Variants in ATF6 observed in about 807,000 individuals in gnomAD.
ATF6 encodes activating transcription factor 6, also known as cyclic AMP-dependent transcription factor ATF-6 alpha.
In ATF6, 53 loss-of-function variants were observed where a neutral mutation model predicts 83.6. The ratio of observed to expected loss-of-function variants is 0.63; its 90% CI spans 0.51 to 0.80. ATF6 has a LOEUF of 0.80. Ranked by LOEUF, ATF6 falls within the 30% of genes least tolerant of loss-of-function variation. The pLI, the probability that ATF6 is intolerant of heterozygous loss-of-function variation, is 0.00. For synonymous variants in ATF6, 288 were observed against 285.8 expected, an observed-to-expected ratio of 1.01 and a Z score of -0.08; for missense variants, 744 against 797.9, an observed-to-expected ratio of 0.93 and a Z score of 0.81.
intron 9 of ATF6, among the ~76,000 whole-genome samples, chr1:161,844,558 A>G (rs1295013077): frequency 6.6e-6 from 1 of 152,188 alleles, no homozygotes; most frequent in Non-Finnish European, 1.5e-5. Flanking sequence ...AAACAGGAAC[A>G]TTAGTATATG....
chr1:161,945,662 G>A (rs1366693743), intron 15 of ATF6, among the ~76,000 whole-genome samples: 1 of 152,122 alleles, frequency 6.6e-6, no homozygotes, highest in African/African-American at 2.4e-5. Context: ...TTAGATATAG[G>A]CATACTGTCA....
chr1:161,803,922 A>T (rs971900588), intron 7 of ATF6, among the ~76,000 whole-genome samples: 1 of 151,904 alleles, frequency 6.6e-6, no homozygotes, highest in African/African-American at 2.4e-5. Context: ...TACATGTGAC[A>T]TGCTGGTGCG....
At chr1:161,807,245 G>A (rs548557993) in intron 7 of ATF6, among the ~76,000 whole-genome samples, 121 of 152,218 alleles carry the variant, frequency 7.9e-4, no homozygotes, top group Middle Eastern at 6.8e-3. Context: ...GCAATGCATA[G>A]CAACTCAGAA....
intron 7 of ATF6, among the ~76,000 whole-genome samples, chr1:161,812,684 G>T (rs927927413): frequency 2.0e-5 from 3 of 152,008 alleles, no homozygotes; most frequent in Non-Finnish European, 2.9e-5. Flanking sequence ...GAGCCACCGC[G>T]CCCGGCCAGG....
chr1:161,771,300 C>T (rs774131493), intron 1 of ATF6, among the ~76,000 whole-genome samples: 2 of 152,080 alleles, frequency 1.3e-5, no homozygotes, highest in Admixed American at 6.5e-5. Flanking sequence ...CAGAAGCTTT[C>T]GTCTGCCACT....
intron 4 of ATF6, among the ~76,000 whole-genome samples, chr1:161,791,062 A>ATATGTGTGTG (rs1476231574): frequency 7.3e-6 from 1 of 137,218 alleles, no homozygotes; most frequent in African/African-American, 3.3e-5. Flanking sequence ...CAAGTTTTAT[A>ATATGTGTGTG]TGTGTGTGTG....
In ATF6 at chr1:161,766,354, T is replaced by C. The variant is rs764173088; in HGVS notation, c.-7T>C. ...TCACGGAGTTCCAGGGAGAAGGAACTTGTGAAATGGGGGAGCCGGCTGGGG... is the reference window on the plus strand; with the variant it reads ...TCACGGAGTTCCAGGGAGAAGGAACCTGTGAAATGGGGGAGCCGGCTGGGG... On this transcript the variant is annotated 5_prime_UTR_variant, in exon 1 of 16. Transcript: ENST00000367942. 1.2e-6 allele frequency: 2 copies of C among 1,613,154 alleles called. No individual in the cohort carries two copies. Among genetic ancestry groups the C allele is most frequent in the Admixed American group, 3.3e-5 (2 of 59,854 alleles).
intron 15 of ATF6, among the ~76,000 whole-genome samples, chr1:161,926,886 A>C (rs1332777921): frequency 6.6e-6 from 1 of 151,318 alleles, no homozygotes; most frequent in Non-Finnish European, 1.5e-5. Context: ...GTTAAAACCC[A>C]CCATTCTAAA....
At chr1:161,812,301 G>A (rs1163369466) in intron 7 of ATF6, among the ~76,000 whole-genome samples, 1 of 148,270 alleles carries the variant, frequency 6.7e-6, no homozygotes, top group Non-Finnish European at 1.5e-5. Flanking sequence ...GTGTGTGTGT[G>A]TGTGTGTGTG....
In ATF6 at chr1:161,919,263, G is replaced by A. The variant is rs909547869; in HGVS notation, c.1804+6883G>A. Among the ~76,000 whole-genome samples the A allele has an allele frequency of 8.5e-5, 13 of 152,298 alleles. No homozygotes were observed. The East Asian group carries it at 2.3e-3, about 27-fold the overall frequency. On this transcript the variant is annotated intron_variant, in intron 15 of 15. Transcript: ENST00000367942. ...GAAATAAAAATAGAATGCTAGGTAT[G>A]CTTTGAAAAGGCTTTTTTAAAAAAG...
intron 14 of ATF6, among the ~76,000 whole-genome samples, chr1:161,897,629 T>C (rs1446757072): frequency 6.6e-6 from 1 of 152,180 alleles, no homozygotes; most frequent in Non-Finnish European, 1.5e-5. Flanking sequence ...AAAAGAAGTT[T>C]ATCTTTTAGA....
At position 161,829,260 on chromosome 1, in the gene ATF6, C is replaced by T. The variant is rs867612384; in HGVS notation, c.1187+8099C>T. ...TGTTGCCCAGGCTGGAGTGCAGTGG[C>T]GCGATCTCAGCTCACTGCAAGCTCC... On this transcript the variant is annotated intron_variant, in intron 9 of 15. Coordinates refer to ENST00000367942, the MANE Select transcript of ATF6 (RefSeq NM_007348.4). 1.7e-4 allele frequency among the ~76,000 whole-genome samples: 23 copies of T among 132,898 alleles called. No homozygotes were observed. In the East Asian group the frequency reaches 3.7e-3, roughly 21 times the overall value. The allele number at this position is 132,898 out of a possible 152,430, so 87.2% of individuals were successfully genotyped here. A position where few individuals can be genotyped will look rare whatever the true frequency, so the allele number is the denominator to read the frequency against.
In ATF6 at chr1:161,791,472, A is replaced by G. The variant is rs759024603; in HGVS notation, c.419A>G (p.Asn140Ser). 37 of 1,613,044 alleles carry G rather than the reference A, an allele frequency of 2.3e-5. No individual in the cohort carries two copies. In the South Asian group the frequency reaches 4.0e-4, roughly 17 times the overall value. ...CTTTCCTTATATGGTGAAAACTCTA[A>G]TAGTCTCTCTTCAGCGGAGCCACTG... ...SPLSLYGENS[N>S]SLSSAEPLKE... The change falls in exon 5 of 16, where the codon AAT becomes AGT. Residue 140 changes from asparagine (N) to serine (S), a missense_variant. Transcript: ENST00000367942.
chr1:161,783,588 G>T, intron 3 of ATF6, among the ~76,000 whole-genome samples: 1 of 151,284 alleles, frequency 6.6e-6, no homozygotes. Context: ...TTTGCATATG[G>T]TAAAATATTC....
intron 9 of ATF6, among the ~76,000 whole-genome samples, chr1:161,830,586 G>C (rs1436774780): frequency 6.6e-6 from 1 of 152,146 alleles, no homozygotes; most frequent in Non-Finnish European, 1.5e-5. Flanking sequence ...CATGGTACTG[G>C]TACCAAAACA....
chr1:161,956,081 C>T (rs1688960463), intron 15 of ATF6, among the ~76,000 whole-genome samples: 1 of 152,162 alleles, frequency 6.6e-6, no homozygotes, highest in Admixed American at 6.5e-5. Flanking sequence ...CTTTAAAAAA[C>T]CGCAGTTATC....
intron 14 of ATF6, among the ~76,000 whole-genome samples, chr1:161,903,608 A>T (rs539732651): frequency 5.3e-4 from 80 of 150,504 alleles, no homozygotes; most frequent in South Asian, 2.1e-3. Context: ...CCCTTTTTTT[A>T]AAAAAAAAAT....
intron 9 of ATF6, among the ~76,000 whole-genome samples, chr1:161,828,569 T>A: frequency 6.6e-6 from 1 of 152,108 alleles, no homozygotes. Flanking sequence ...ATGACACTCT[T>A]GGTTGCCAAA....
chr1:161,782,553 A>G (rs932225910), intron 3 of ATF6, among the ~76,000 whole-genome samples: 5 of 152,172 alleles, frequency 3.3e-5, no homozygotes, highest in African/African-American at 1.2e-4. Context: ...AGCTTTTTCT[A>G]GTATCCCCTA....
Sources: allele counts gnomAD v4.1 joint callset (sites outside exome capture counted in the v4.1 genomes callset), GRCh38; gene constraint gnomAD v4.1.1; transcripts MANE v1.5; gene names NCBI Gene and HGNC (gene_info 2026-07-23, HGNC 2026-07-21).